Variants in NF1 observed in about 807,000 individuals in gnomAD.
NF1 encodes neurofibromin 1, also known as neurofibromin.
A neutral mutation model predicts 325.7 loss-of-function variants in NF1; 122 were observed. The observed-to-expected ratio is 0.37, with a 90% confidence interval of 0.32 to 0.44. The LOEUF (loss-of-function observed/expected upper bound fraction) is 0.44, where lower values mean the gene tolerates loss of function less well. NF1 is among the 20% of genes least tolerant of loss of function. NF1 has a pLI of 1.00. For synonymous variants in NF1, 1,091 were observed against 1,186.0 expected (o/e 0.92, Z 1.65); for missense variants, 2,140 against 3,415.4 (o/e 0.63, Z 9.31).
rs114923762 is a variant in NF1, at chr17:31,192,824, G to A, written c.889-7598G>A. Among the ~76,000 whole-genome samples, 1,159 of 152,196 alleles carry A rather than the reference G, an allele frequency of 7.6e-3. 13 individuals are homozygous for A. The highest frequency in any genetic ancestry group is 0.027 in the African/African-American group (1,101 of 41,534). On this transcript the variant is annotated intron_variant, in intron 8 of 57. Transcript: ENST00000358273. ...TGAAAAGTAAGTCACGATATATAGC[G>A]TCAAATAAAACCCATCTGATGAGAA... is the stretch of plus-strand genomic sequence containing the variant.
intron 36 of NF1, among the ~76,000 whole-genome samples, chr17:31,281,392 T>C (rs1331438564): frequency 6.7e-6 from 1 of 148,808 alleles, no homozygotes; most frequent in African/African-American, 2.6e-5. Flanking sequence ...GAATGTTTTG[T>C]ACATTATCTC....
intron 1 of NF1, among the ~76,000 whole-genome samples, chr17:31,126,616 A>AT (rs1433045450): frequency 6.6e-6 from 1 of 151,594 alleles, no homozygotes; most frequent in African/African-American, 2.4e-5. Flanking sequence ...TAATTTTTGT[A>AT]TTTTTTGTGG....
intron 30 of NF1, chr17:31,250,737 G>A (rs567839465): frequency 2.6e-5 from 5 of 189,268 alleles, no homozygotes; most frequent in African/African-American, 9.3e-5. Flanking sequence ...CAAGATTCTT[G>A]CCAGCTTTCA....
intron 36 of NF1, chr17:31,319,056 T>G: frequency 6.5e-7 from 1 of 1,542,748 alleles, no homozygotes; most frequent in Non-Finnish European, 8.7e-7. Context: ...TGTTAGTTTG[T>G]GAAAGAATAA....
At position 31,226,609 on chromosome 17, in the gene NF1, G is replaced by A. The variant is rs2067019399; in HGVS notation, c.2176G>A (p.Val726Met). Residue 726 changes from valine (V) to methionine (M), a missense_variant, in exon 18 of 58, where the codon GTG becomes ATG. This residue lies in a region of NF1 where 380 missense variants were observed against 639.3 expected (regional missense o/e 0.59). Transcript: ENST00000358273. ...AGATATCCGGTGTGGGGTGGATGAA[G>A]TGTCAGTGCATAACCTCTTGCCCAA... ...EADIRCGVDE[V>M]SVHNLLPNYN... 6.2e-7 allele frequency: 1 copy of A among 1,613,886 alleles called. No homozygotes were observed. The highest frequency in any genetic ancestry group is 8.5e-7 in the Non-Finnish European group (1 of 1,179,820).
At chr17:31,346,278 T>C in intron 48 of NF1, 2 of 1,468,168 alleles carry the variant, frequency 1.4e-6, no homozygotes. Flanking sequence ...AGAAGCTAGC[T>C]GAGGTAGCTT....
At chr17:31,370,432 T>A (rs867691669) in intron 57 of NF1, among the ~76,000 whole-genome samples, 2 of 152,210 alleles carry the variant, frequency 1.3e-5, no homozygotes, top group South Asian at 4.1e-4. Flanking sequence ...TTCTTTTTTT[T>A]ATATACTTGA....
chr17:31,261,942 A>G, intron 35 of NF1, 85 bp downstream of exon 35: 4 of 1,341,422 alleles, frequency 3.0e-6, no homozygotes, highest in Non-Finnish European at 3.2e-6. Context: ...TAGATATGAT[A>G]GAAGACTATG....
rs868407539 is a variant in NF1, at chr17:31,232,792, G to A, written c.3407G>A (p.Arg1136Gln). ...GGTGGCAGGAAACGTGGCATGTCTC[G>A]GAGGCTGGCATCACTGAGGCACTGT... ...QTGGRKRGMS[R>Q]RLASLRHCTV... Residue 1136 changes from arginine to glutamine, a missense_variant, in exon 26 of 58, where the codon CGG (arginine) becomes CAG (glutamine). Arg to Gln is a conservative substitution (Grantham distance 43, BLOSUM62 1). Around this residue, in one of 10 missense-constraint regions of NF1, gnomAD observed 380 missense variants for 639.3 expected, o/e 0.59. Transcript: ENST00000358273. 4 of 1,614,084 alleles carry A rather than the reference G, an allele frequency of 2.5e-6. No homozygotes were observed. The highest frequency in any genetic ancestry group is 1.7e-6 in the Non-Finnish European group (2 of 1,180,006).
intron 1 of NF1, among the ~76,000 whole-genome samples, chr17:31,124,170 T>C (rs925273553): frequency 3.3e-5 from 5 of 152,186 alleles, no homozygotes; most frequent in Non-Finnish European, 5.9e-5. Flanking sequence ...TTTAACATTT[T>C]TACATAAAAA....
At chr17:31,326,689 C>T (rs543132597) in intron 37 of NF1, among the ~76,000 whole-genome samples, 2 of 152,200 alleles carry the variant, frequency 1.3e-5, no homozygotes, top group East Asian at 3.9e-4. Flanking sequence ...GGAAGACCAA[C>T]ATTTGTGTCA....
intron 31 of NF1, chr17:31,253,904 G>A (rs1176579674): frequency 6.6e-6 from 1 of 152,110 alleles, no homozygotes; most frequent in African/African-American, 2.4e-5. Flanking sequence ...TTTCTTAAAA[G>A]GGTGTAATTT....
chr17:31,354,173 A>G (rs1298606565), intron 51 of NF1, among the ~76,000 whole-genome samples: 2 of 152,252 alleles, frequency 1.3e-5, no homozygotes, highest in African/African-American at 4.8e-5. Flanking sequence ...ACTTATAATC[A>G]GCCAATCACA....
chr17:31,152,475 C>T (rs1917014338), intron 1 of NF1, among the ~76,000 whole-genome samples: 2 of 145,172 alleles, frequency 1.4e-5, no homozygotes, highest in Admixed American at 7.0e-5. Context: ...TTTTTTGTCA[C>T]TTTATTGTAA....
chr17:31,318,681 T>C (rs765489390), intron 36 of NF1: 11 of 1,614,058 alleles, frequency 6.8e-6, no homozygotes, highest in Admixed American at 1.7e-5. Flanking sequence ...TGCTTGTGTT[T>C]TCAATGCTCT....
chr17:31,330,246 C>T, intron 38 of NF1, 50 bp from the exon 39 acceptor site: 1 of 1,566,212 alleles, frequency 6.4e-7, no homozygotes, highest in Non-Finnish European at 8.8e-7. Flanking sequence ...AATTTTGGAA[C>T]TATAAGGAAA....
chr17:31,095,345 C>T lies in NF1; in HGVS notation c.36C>T (p.Ala12=), dbSNP rs786203866. 1.3e-6 allele frequency: 2 copies of T among 1,539,690 alleles called. No homozygotes were observed. The highest frequency in any genetic ancestry group is 2.4e-5 in the East Asian group (1 of 41,012). ...ACAGGCCGGTGGAATGGGTCCAGGC[C>T]GTGGTCAGCCGCTTCGACGAGCAGG... is the stretch of plus-strand genomic sequence containing the variant. ...AAHRPVEWVQ[A]VVSRFDEQLP... Residue 12 remains alanine, a synonymous_variant, in exon 1 of 58, where the codon GCC becomes GCT. Transcript: ENST00000358273.
At chr17:31,257,348 T>A (rs1430167170) in intron 31 of NF1, among the ~76,000 whole-genome samples, 1 of 152,176 alleles carries the variant, frequency 6.6e-6, no homozygotes, top group Non-Finnish European at 1.5e-5. Context: ...ATTAAAATGT[T>A]ACATTAAGTG....
At chr17:31,203,440 T>TTTA (rs2066565699) in intron 11 of NF1, among the ~76,000 whole-genome samples, 1 of 152,218 alleles carries the variant, frequency 6.6e-6, no homozygotes. Context: ...GTAGTGATAC[T>TTTA]TTATTATTAT....
Sources: gnomAD v4.1 joint callset for allele counts (sites outside exome capture counted in the v4.1 genomes callset) on GRCh38, gnomAD v4.1.1 for gene constraint, gnomAD v4.1.1 regional missense constraint, MANE v1.5 for transcripts, NCBI Gene and HGNC (gene_info 2026-07-23, HGNC 2026-07-21) for gene names.